The following SNTG1 variants were observed in gnomAD, a reference collection of about 807,000 sequenced individuals.
The protein encoded by SNTG1 is syntrophin gamma 1, also known as gamma-1-syntrophin.
Under a neutral mutation model 74.7 loss-of-function variants are expected in SNTG1, and 39 were observed. That is an observed-to-expected ratio of 0.52 (90% CI 0.40 to 0.68). The LOEUF is 0.68. SNTG1 is among the 30% of genes least tolerant of loss of function. The pLI, the probability that SNTG1 is intolerant of heterozygous loss-of-function variation, is 0.00. For synonymous variants in SNTG1, 254 were observed against 217.1 expected (o/e 1.17, Z -1.49); for missense variants, 685 against 609.5 (o/e 1.12, Z -1.30).
chr8:49,982,569 G>C (rs538707468), intron 1 of SNTG1, among the ~76,000 whole-genome samples: 1 of 143,854 alleles, frequency 7.0e-6, no homozygotes, highest in African/African-American at 2.6e-5. Flanking sequence ...GCTGTGGCTC[G>C]TGTTTGTAAT....
intron 1 of SNTG1, among the ~76,000 whole-genome samples, chr8:50,018,353 T>C (rs1413405869): frequency 2.0e-5 from 3 of 152,032 alleles, no homozygotes; most frequent in Non-Finnish European, 4.4e-5. Flanking sequence ...ACATTTACAC[T>C]CAACTAATTT....
chr8:50,469,464 G>T (rs2093634480), intron 8 of SNTG1, among the ~76,000 whole-genome samples: 1 of 151,954 alleles, frequency 6.6e-6, no homozygotes, highest in African/African-American at 2.4e-5. Flanking sequence ...TCCCAGCATA[G>T]AAAAAATGAG....
intron 1 of SNTG1, among the ~76,000 whole-genome samples, chr8:49,994,325 G>A (rs1420548132): frequency 1.4e-5 from 2 of 146,598 alleles, no homozygotes; most frequent in Non-Finnish European, 3.0e-5. Flanking sequence ...GCCCAATCTC[G>A]GCTCACTGCA....
chr8:50,575,044 A>T (rs1027080187), intron 12 of SNTG1, among the ~76,000 whole-genome samples: 1 of 152,158 alleles, frequency 6.6e-6, no homozygotes, highest in Admixed American at 6.6e-5. Context: ...TCTTACATAG[A>T]TGTCCTTTTC....
At chr8:50,429,514 T>TA (rs2093207330) in intron 4 of SNTG1, among the ~76,000 whole-genome samples, 1 of 152,118 alleles carries the variant, frequency 6.6e-6, no homozygotes, top group Non-Finnish European at 1.5e-5. Flanking sequence ...ATTTAAGAAC[T>TA]AAAACTATTA....
intron 15 of SNTG1, among the ~76,000 whole-genome samples, chr8:50,660,609 G>C (rs1021886656): frequency 2.0e-5 from 3 of 152,072 alleles, no homozygotes; most frequent in East Asian, 3.9e-4. Context: ...TTTTATCATA[G>C]TAATAACGCA....
At chr8:50,276,224 G>C (rs932618775) in intron 2 of SNTG1, among the ~76,000 whole-genome samples, 2 of 152,026 alleles carry the variant, frequency 1.3e-5, no homozygotes, top group African/African-American at 4.8e-5. Context: ...AGTTCAGTGA[G>C]TCATTGCCAC....
intron 1 of SNTG1, among the ~76,000 whole-genome samples, chr8:49,952,641 A>T (rs534290196): frequency 1.9e-3 from 287 of 152,348 alleles, no homozygotes; most frequent in African/African-American, 6.6e-3. Context: ...GCCACCAAAA[A>T]GTATCTGACT....
At chr8:50,100,177 C>T (rs1017512875) in intron 1 of SNTG1, among the ~76,000 whole-genome samples, 2 of 151,850 alleles carry the variant, frequency 1.3e-5, no homozygotes, top group Admixed American at 6.6e-5. Context: ...AAGTTAATAC[C>T]ACATGTTCTC....
intron 12 of SNTG1, among the ~76,000 whole-genome samples, chr8:50,556,644 G>A (rs2094457135): frequency 6.6e-6 from 1 of 152,180 alleles, no homozygotes; most frequent in Non-Finnish European, 1.5e-5. Context: ...ATAGGGTGAA[G>A]TTTTTGGGAA....
intron 12 of SNTG1, among the ~76,000 whole-genome samples, chr8:50,582,499 A>G (rs749665386): frequency 1.5e-4 from 23 of 152,260 alleles, no homozygotes; most frequent in Non-Finnish European, 2.8e-4. Context: ...AAATAAAGAT[A>G]TAATTAAGCA....
intron 2 of SNTG1, among the ~76,000 whole-genome samples, chr8:50,350,088 C>A (rs1019769141): frequency 3.3e-5 from 5 of 152,156 alleles, no homozygotes; most frequent in African/African-American, 9.7e-5. Context: ...TGCATTGGGT[C>A]CCCCAGCAGC....
intron 1 of SNTG1, among the ~76,000 whole-genome samples, chr8:50,114,158 A>T (rs1194851581): frequency 6.6e-6 from 1 of 152,090 alleles, no homozygotes; most frequent in Non-Finnish European, 1.5e-5. Context: ...ATTTACTTTG[A>T]TTTATATTAT....
At chr8:50,147,020 A>G (rs1167856477) in intron 1 of SNTG1, among the ~76,000 whole-genome samples, 1 of 151,786 alleles carries the variant, frequency 6.6e-6, no homozygotes, top group Non-Finnish European at 1.5e-5. Flanking sequence ...CATTTTAATT[A>G]AGTCCAATTT....
chr8:50,650,572 T>A (rs2095138744), intron 13 of SNTG1, among the ~76,000 whole-genome samples: 1 of 152,122 alleles, frequency 6.6e-6, no homozygotes, highest in Non-Finnish European at 1.5e-5. Flanking sequence ...GTTCCTCAAG[T>A]TTTTTGTTGG....
At chr8:50,371,628 T>C (rs1300343317) in intron 2 of SNTG1, among the ~76,000 whole-genome samples, 4 of 152,194 alleles carry the variant, frequency 2.6e-5, no homozygotes, top group Non-Finnish European at 5.9e-5. Flanking sequence ...AAAAAGGCAA[T>C]TTTTTAGGTC....
chr8:50,702,104 G>A lies in SNTG1; in HGVS notation c.1039-2496G>A, dbSNP rs192269882. 5.2e-4 allele frequency among the ~76,000 whole-genome samples: 79 copies of A among 152,004 alleles called. No homozygotes were observed. The East Asian group carries it at 8.7e-3, about 17-fold the overall frequency. Reference sequence around the variant, plus strand: ...CAACCTCAAGTGATCTGCCCACCTCGGCCTCCCAAATTGCTGGGATTACTG... The same window carrying A: ...CAACCTCAAGTGATCTGCCCACCTCAGCCTCCCAAATTGCTGGGATTACTG... On this transcript the variant is annotated intron_variant, in intron 15 of 18. Coordinates refer to ENST00000642720, the MANE Select transcript of SNTG1 (RefSeq NM_018967.5).
chr8:49,973,673 C>T (rs1248779223), intron 1 of SNTG1, among the ~76,000 whole-genome samples: 1 of 151,980 alleles, frequency 6.6e-6, no homozygotes, highest in African/African-American at 2.4e-5. Flanking sequence ...ACAGTATATA[C>T]TGAAGAAAAG....
chr8:50,489,305 T>C (rs2093828671), intron 8 of SNTG1, among the ~76,000 whole-genome samples: 1 of 152,254 alleles, frequency 6.6e-6, no homozygotes, highest in African/African-American at 2.4e-5. Flanking sequence ...ATGGGATTGC[T>C]GGGTCAGATG....
Sources: gnomAD v4.1 joint callset for allele counts (sites outside exome capture counted in the v4.1 genomes callset) on GRCh38, gnomAD v4.1.1 for gene constraint, MANE v1.5 for transcripts, NCBI Gene and HGNC (gene_info 2026-07-23, HGNC 2026-07-21) for gene names.